Variants in LRP1B observed in about 807,000 individuals in gnomAD.
LRP1B encodes the protein low-density lipoprotein receptor-related protein 1B.
Under a neutral mutation model 556.6 loss-of-function variants are expected in LRP1B, and 217 were observed. That is an observed-to-expected ratio of 0.39 (90% confidence interval 0.35 to 0.44). The LOEUF (loss-of-function observed/expected upper bound fraction) is 0.44. LRP1B is among the 20% of genes least tolerant of loss of function. The probability of loss-of-function intolerance (pLI) is 1.00; values close to 1 mark genes in which losing one functional copy is unlikely to be tolerated. For missense variants in LRP1B, 5,053 were observed against 5,620.8 expected (o/e 0.90, Z 3.23); for synonymous variants, 2,047 against 1,865.8 (o/e 1.10, Z -2.50).
At chr2:141,956,726 T>C (rs1296299229) in intron 1 of LRP1B, among the ~76,000 whole-genome samples, 1 of 152,082 alleles carries the variant, frequency 6.6e-6, no homozygotes, top group Non-Finnish European at 1.5e-5. Context: ...CAACTTTATG[T>C]CCCTCAAAGC....
intron 2 of LRP1B, among the ~76,000 whole-genome samples, chr2:141,656,075 C>A (rs1235180372): frequency 1.3e-5 from 2 of 152,060 alleles, no homozygotes; most frequent in Admixed American, 1.3e-4. Flanking sequence ...GAAACTGAGA[C>A]ACAAAGTGGT....
rs2105063925 is a variant in LRP1B at position 140,325,772 on chromosome 2, G to C, written c.12330C>G (p.Ser4110Arg). The C allele has an allele frequency of 6.2e-7, 1 of 1,609,088 alleles. No homozygotes were observed. The highest frequency in any genetic ancestry group is 2.2e-5 in the East Asian group (1 of 44,662). Reference protein sequence around the residue: ...YDGSNSVVSVSSKQGLLHPHR... With the variant: ...YDGSNSVVSVRSKQGLLHPHR... ...AAGCACTTCACAAACCTTGTTTGCTGCTGACAGAGACTACTGAATTAGAGC... is the reference window on the plus strand; with the variant it reads ...AAGCACTTCACAAACCTTGTTTGCTCCTGACAGAGACTACTGAATTAGAGC... Residue 4110 changes from serine to arginine, a missense_variant, in exon 80 of 91, where the codon AGC (serine) becomes AGG (arginine). Transcript: ENST00000389484.
intron 1 of LRP1B, among the ~76,000 whole-genome samples, chr2:142,035,001 A>T (rs1703831277): frequency 6.6e-6 from 1 of 151,812 alleles, no homozygotes; most frequent in Non-Finnish European, 1.5e-5. Flanking sequence ...ATGAATAAAG[A>T]TCTTATTTCA....
At chr2:140,524,136 A>AC (rs1491211707) in intron 49 of LRP1B, among the ~76,000 whole-genome samples, 3 of 151,478 alleles carry the variant, frequency 2.0e-5, no homozygotes, top group Admixed American at 1.3e-4. Context: ...AATAAAAAAA[A>AC]CAAATAACCC....
At position 141,452,829 on chromosome 2, in the gene LRP1B, C is replaced by G. The variant is rs192181017; in HGVS notation, c.343+27567G>C. On this transcript the variant is annotated intron_variant, in intron 3 of 90. Transcript: ENST00000389484. The stretch of plus-strand genomic sequence containing the variant: ...AGAGGGTAACCTACTTTTCTTACCC[C>G]TCTTGTACCTCCTGGATGTAACTAC... 2.0e-5 allele frequency among the ~76,000 whole-genome samples: 3 copies of G among 152,290 alleles called. No homozygotes were observed. The East Asian group carries it at 5.8e-4, about 29-fold the overall frequency.
At chr2:141,361,091 A>C (rs1196985708) in intron 3 of LRP1B, among the ~76,000 whole-genome samples, 2 of 152,160 alleles carry the variant, frequency 1.3e-5, no homozygotes, top group Admixed American at 1.3e-4. Context: ...GCCACACATA[A>C]CTTAATCTCA....
intron 32 of LRP1B, among the ~76,000 whole-genome samples, chr2:140,780,016 T>C (rs183993122): frequency 1.7e-3 from 259 of 151,120 alleles, no homozygotes; most frequent in African/African-American, 5.9e-3. Context: ...TAGAAGACTC[T>C]GGGAGTAAGA....
intron 2 of LRP1B, among the ~76,000 whole-genome samples, chr2:141,520,116 A>AT (rs1684478645): frequency 6.6e-6 from 1 of 152,198 alleles, no homozygotes; most frequent in South Asian, 2.1e-4. Flanking sequence ...AAACTGGTGC[A>AT]TTTGGAGTCA....
chr2:141,888,895 C>T (rs918337962), intron 1 of LRP1B, among the ~76,000 whole-genome samples: 7 of 152,088 alleles, frequency 4.6e-5, no homozygotes, highest in South Asian at 2.1e-4. Flanking sequence ...GAGCTATTGA[C>T]GGCCAACCAG....
intron 5 of LRP1B, among the ~76,000 whole-genome samples, chr2:141,243,145 A>AT (rs11412631): frequency 0.58 from 84,855 of 146,138 alleles, 24,726 homozygotes; most frequent in East Asian, 0.65. Flanking sequence ...TATTATTTTT[A>AT]TTTTTTTTTT....
chr2:142,067,483 A>G (rs976453751), intron 1 of LRP1B, among the ~76,000 whole-genome samples: 1 of 151,598 alleles, frequency 6.6e-6, no homozygotes, highest in Non-Finnish European at 1.5e-5. Context: ...TTTGAAAAAA[A>G]GAGTAAAGTG....
intron 7 of LRP1B, among the ~76,000 whole-genome samples, chr2:141,174,073 G>T (rs961729584): frequency 6.6e-6 from 1 of 151,672 alleles, no homozygotes; most frequent in East Asian, 1.9e-4. Context: ...TTCAGAGTAT[G>T]CTCCAAAAGA....
At chr2:141,602,646 T>C (rs1032904339) in intron 2 of LRP1B, among the ~76,000 whole-genome samples, 4 of 152,208 alleles carry the variant, frequency 2.6e-5, no homozygotes, top group African/African-American at 9.7e-5. Context: ...GACAATCCTT[T>C]GGGCTCTGTA....
intron 1 of LRP1B, among the ~76,000 whole-genome samples, chr2:142,015,667 C>T (rs1317125410): frequency 6.6e-6 from 1 of 151,990 alleles, no homozygotes; most frequent in African/African-American, 2.4e-5. Flanking sequence ...GGAACTTAAA[C>T]AAATTTACAA....
intron 33 of LRP1B, among the ~76,000 whole-genome samples, chr2:140,773,496 G>A (rs140330707): frequency 1.8e-3 from 267 of 151,980 alleles, no homozygotes; most frequent in African/African-American, 6.1e-3. Context: ...ATAAGAGAAT[G>A]TGAGGGGTTA....
At chr2:140,830,047 G>C (rs1393487733) in intron 31 of LRP1B, among the ~76,000 whole-genome samples, 1 of 151,718 alleles carries the variant, frequency 6.6e-6, no homozygotes, top group Non-Finnish European at 1.5e-5. Context: ...AACCTACAAA[G>C]ACTGAACCAT....
chr2:141,809,875 T>C (rs1296411966), intron 2 of LRP1B, among the ~76,000 whole-genome samples: 3 of 151,900 alleles, frequency 2.0e-5, no homozygotes, highest in Non-Finnish European at 4.4e-5. Flanking sequence ...TGAGATAATT[T>C]ATTGGGGAAG....
intron 15 of LRP1B, among the ~76,000 whole-genome samples, chr2:140,998,705 T>C (rs1697325232): frequency 6.6e-6 from 1 of 152,090 alleles, no homozygotes; most frequent in Non-Finnish European, 1.5e-5. Context: ...GCTGGGTACA[T>C]GCCTTTGCTG....
chr2:141,917,259 C>T (rs1700062188), intron 1 of LRP1B, among the ~76,000 whole-genome samples: 1 of 152,094 alleles, frequency 6.6e-6, no homozygotes, highest in South Asian at 2.1e-4. Flanking sequence ...TGAAATTCAC[C>T]TATCAGAGGC....
Sources: gnomAD v4.1 joint callset for allele counts (sites outside exome capture counted in the v4.1 genomes callset) on GRCh38, gnomAD v4.1.1 for gene constraint, MANE v1.5 for transcripts, NCBI Gene and HGNC (gene_info 2026-07-23, HGNC 2026-07-21) for gene names.